The following RANBP9 variants were observed in gnomAD, a reference collection of about 807,000 sequenced individuals.
RANBP9 encodes the protein ran-binding protein 9.
Under a neutral mutation model 84.3 loss-of-function variants are expected in RANBP9, and 15 were observed. That is an observed-to-expected ratio of 0.18 (90% CI 0.12 to 0.27). The LOEUF (loss-of-function observed/expected upper bound fraction) is 0.27. Ranked by LOEUF, RANBP9 falls within the 10% of genes least tolerant of loss-of-function variation. The pLI is 1.00. For missense variants in RANBP9, 809 were observed against 912.8 expected (o/e 0.89, Z 1.46); for synonymous variants, 392 against 349.6 (o/e 1.12, Z -1.35).
At chr6:13,663,240 A>G (rs1299023216) in intron 2 of RANBP9, among the ~76,000 whole-genome samples, 1 of 152,166 alleles carries the variant, frequency 6.6e-6, no homozygotes, top group Non-Finnish European at 1.5e-5. Flanking sequence ...ATTAGAAAAT[A>G]TAAGGCCAGA....
intron 2 of RANBP9, among the ~76,000 whole-genome samples, chr6:13,683,955 T>G (rs1212324711): frequency 1.3e-5 from 2 of 152,222 alleles, no homozygotes; most frequent in Middle Eastern, 3.4e-3. Flanking sequence ...AATAACCAAT[T>G]TTTCTCTCCA....
At chr6:13,692,217 G>C (rs1006947202) in intron 2 of RANBP9, among the ~76,000 whole-genome samples, 1 of 152,026 alleles carries the variant, frequency 6.6e-6, no homozygotes, top group Admixed American at 6.6e-5. Flanking sequence ...GTTTACCAGA[G>C]AGATAAATGA....
chr6:13,652,022 C>G (rs373141357), intron 5 of RANBP9, among the ~76,000 whole-genome samples: 1 of 152,166 alleles, frequency 6.6e-6, no homozygotes, highest in Admixed American at 6.5e-5. Flanking sequence ...CTCTACATAT[C>G]CACTTGGCAG....
chr6:13,650,563 C>T (rs1040592406), intron 5 of RANBP9, among the ~76,000 whole-genome samples: 3 of 152,108 alleles, frequency 2.0e-5, no homozygotes, highest in African/African-American at 7.2e-5. Flanking sequence ...AATGAGCTCA[C>T]TGAAAAACTC....
At position 13,639,767 on chromosome 6, in the gene RANBP9, G is replaced by T; in HGVS notation, c.1335-14C>A. On this transcript the variant is annotated splice_polypyrimidine_tract_variant and intron_variant, in intron 8 of 13. Coordinates refer to ENST00000011619, the MANE Select transcript of RANBP9 (RefSeq NM_005493.3). ...AACTGACGCACTCTAAAGGAGAAAA[G>T]AAAAATTTACTTAGACACAATCTTC... 1 of 1,585,282 alleles carries T rather than the reference G, an allele frequency of 6.3e-7. No homozygotes were observed. Among genetic ancestry groups the T allele is most frequent in the African/African-American group, 1.4e-5 (1 of 74,002 alleles).
At chr6:13,628,834 A>G (rs917120231) in intron 12 of RANBP9, among the ~76,000 whole-genome samples, 4 of 152,228 alleles carry the variant, frequency 2.6e-5, no homozygotes, top group African/African-American at 9.6e-5. Context: ...AGTAGCATTA[A>G]TGTAGTAGTG....
chr6:13,709,789 C>A lies in RANBP9; in HGVS notation c.571+1146G>T, dbSNP rs150503280. ...ATTAAATAGTAACTTACTTATCAAG[C>A]TTCTTCTCAAATTTCAGTCCCGTAT... is the stretch of plus-strand genomic sequence containing the variant. On this transcript the variant is annotated intron_variant, in intron 1 of 13. Transcript: ENST00000011619. Among the ~76,000 whole-genome samples the A allele has an allele frequency of 7.5e-3, 1,149 of 152,328 alleles. 11 individuals are homozygous for A. The highest frequency in any genetic ancestry group is 0.026 in the African/African-American group (1,083 of 41,560).
rs544018282 is a variant in RANBP9 at position 13,685,225 on chromosome 6, T to C, written c.683+11560A>G. On this transcript the variant is annotated intron_variant, in intron 2 of 13. Coordinates refer to ENST00000011619, the MANE Select transcript of RANBP9 (RefSeq NM_005493.3). ...AAGAGTATTTAGAATAGTGAAAGAA[T>C]TAAAACAATCTAAATAACTGGCAAC... is the stretch of plus-strand genomic sequence containing the variant. 4.7e-4 allele frequency among the ~76,000 whole-genome samples: 72 copies of C among 152,290 alleles called. 3 individuals are homozygous for C. In the South Asian group the frequency reaches 0.014, roughly 31 times the overall value.
rs1170141008 is a variant in RANBP9, at chr6:13,640,492, G to A, written c.1334+707C>T. ...CAGAATTATTCATAACAGCCAAGAG[G>A]TAGAAGCAAACTTTAAGTGTCCATC... is the stretch of plus-strand genomic sequence containing the variant. On this transcript the variant is annotated intron_variant, in intron 8 of 13. Coordinates refer to ENST00000011619, the MANE Select transcript of RANBP9 (RefSeq NM_005493.3). Among the ~76,000 whole-genome samples, 3 of 152,126 alleles carry A rather than the reference G, an allele frequency of 2.0e-5. 1 individual carries two copies. In the East Asian group the frequency reaches 5.8e-4, roughly 29 times the overall value.
chr6:13,641,431 T>G, intron 7 of RANBP9, 124 bp from the exon 8 acceptor site: 1 of 613,278 alleles, frequency 1.6e-6, no homozygotes, highest in Non-Finnish European at 2.8e-6. Flanking sequence ...TTCAATTTCT[T>G]TCTCTAACAT....
chr6:13,652,622 A>AT (rs1348760188), intron 5 of RANBP9, 37 bp downstream of exon 5: 2 of 1,529,396 alleles, frequency 1.3e-6, no homozygotes, highest in Non-Finnish European at 9.0e-7. Flanking sequence ...ACTTCCTGTA[A>AT]TTAAAAATGG....
At chr6:13,676,509 A>G (rs2113318896) in intron 2 of RANBP9, among the ~76,000 whole-genome samples, 1 of 152,270 alleles carries the variant, frequency 6.6e-6, no homozygotes, top group South Asian at 2.1e-4. Context: ...AGAAGGGAAA[A>G]CTGCAGACAA....
chr6:13,645,105 C>T (rs190798984), intron 5 of RANBP9, among the ~76,000 whole-genome samples: 439 of 152,284 alleles, frequency 2.9e-3, no homozygotes, highest in African/African-American at 9.9e-3. Flanking sequence ...GTTTATCCCA[C>T]ATTTTATATA....
intron 2 of RANBP9, among the ~76,000 whole-genome samples, chr6:13,693,613 C>A (rs1356964583): frequency 6.6e-6 from 1 of 152,036 alleles, no homozygotes; most frequent in African/African-American, 2.4e-5. Context: ...CCGGGGGTGG[C>A]AGCAGATATC....
intron 2 of RANBP9, among the ~76,000 whole-genome samples, chr6:13,663,732 C>T (rs1452581974): frequency 6.6e-6 from 1 of 151,870 alleles, no homozygotes; most frequent in African/African-American, 2.4e-5. Context: ...GTGTTTAACC[C>T]AAGAACAAAA....
chr6:13,622,508 T>C lies in RANBP9; in HGVS notation c.2060-16A>G. 1 of 1,551,106 alleles carries C rather than the reference T, an allele frequency of 6.4e-7. No homozygotes were observed. Among genetic ancestry groups the C allele is most frequent in the Non-Finnish European group, 8.7e-7 (1 of 1,152,444 alleles). On this transcript the variant is annotated splice_polypyrimidine_tract_variant and intron_variant, in intron 13 of 13. Coordinates refer to ENST00000011619, the MANE Select transcript of RANBP9 (RefSeq NM_005493.3). ...TTGTGGGTTTCTGAGGAAAAATAATTTAAAAATGAGAACAGCAATTAGCAA... is the reference window on the plus strand; with the variant it reads ...TTGTGGGTTTCTGAGGAAAAATAATCTAAAAATGAGAACAGCAATTAGCAA...
intron 12 of RANBP9, among the ~76,000 whole-genome samples, chr6:13,628,115 A>C (rs1764672675): frequency 6.6e-6 from 1 of 152,208 alleles, no homozygotes; most frequent in Non-Finnish European, 1.5e-5. Context: ...TCCTTACAAT[A>C]ATCATCTAAA....
chr6:13,652,707 T>C, intron 4 of RANBP9, 26 bp from the exon 5 acceptor site: 2 of 1,579,980 alleles, frequency 1.3e-6, no homozygotes, highest in Non-Finnish European at 1.7e-6. Context: ...AAAGTGGCAT[T>C]AGAAGCTGTT....
At chr6:13,656,412 ACTT>A (rs1265003475) in intron 4 of RANBP9, among the ~76,000 whole-genome samples, 1 of 151,386 alleles carries the variant, frequency 6.6e-6, no homozygotes, top group Admixed American at 6.6e-5. Context: ...AAAAAAAAAA[ACTT>A]CTAAGAAAAT....
Sources: gnomAD v4.1 joint callset for allele counts (sites outside exome capture counted in the v4.1 genomes callset) on GRCh38, gnomAD v4.1.1 for gene constraint, MANE v1.5 for transcripts, NCBI Gene and HGNC (gene_info 2026-07-23, HGNC 2026-07-21) for gene names.